Variants in MYO5B observed in about 807,000 individuals in gnomAD.
MYO5B encodes myosin VB.
In MYO5B, 143 loss-of-function variants were observed where a neutral mutation model predicts 229.3. That is an observed-to-expected ratio of 0.62 (90% CI 0.54 to 0.72). The LOEUF is 0.72. MYO5B is among the 30% of genes least tolerant of loss of function. The pLI is 0.00. For synonymous variants in MYO5B, 918 were observed against 885.2 expected (o/e 1.04, Z -0.66); for missense variants, 2,321 against 2,331.0 (o/e 1.00, Z 0.09).
Position 49,906,619 on chromosome 18 carries a change from C to T in MYO5B, c.2214G>A (p.Lys738=). 1.9e-6 allele frequency: 3 copies of T among 1,613,952 alleles called. No individual in the cohort carries two copies. Among genetic ancestry groups the T allele is most frequent in the Non-Finnish European group, 2.5e-6 (3 of 1,179,950 alleles). The change falls in exon 19 of 40, where the codon AAG becomes AAA. Residue 738 remains lysine (K), a synonymous_variant. Transcript: ENST00000285039. ...AGATCTTGGTGCGGCCAAACTGGAA[C>T]TTGTCGGGGTCCTTTACAAGGTAGG... ...VLENLIKDPD[K]FQFGRTKIFF...
Position 49,912,775 on chromosome 18 carries a change from C to T in MYO5B, c.2091-602G>A, listed in dbSNP as rs539865364. On this transcript the variant is annotated intron_variant, in intron 17 of 39. Coordinates refer to ENST00000285039, the MANE Select transcript of MYO5B (RefSeq NM_001080467.3). ...CTTTTCTTTATAAATTACCCAGTCT[C>T]GATTATGTCTTTATTAGCAGCATGA... Among the ~76,000 whole-genome samples, 19 of 152,300 alleles carry T rather than the reference C, an allele frequency of 1.2e-4. No individual in the cohort carries two copies. In the South Asian group the frequency reaches 1.7e-3, roughly 13 times the overall value.
chr18:50,086,817 G>A (rs914222331), intron 1 of MYO5B, among the ~76,000 whole-genome samples: 1 of 152,134 alleles, frequency 6.6e-6, no homozygotes, highest in African/African-American at 2.4e-5. Context: ...TAGAGGAGAT[G>A]AGCAGGCCAC....
At chr18:50,020,695 G>A (rs959283010) in intron 4 of MYO5B, among the ~76,000 whole-genome samples, 6 of 152,340 alleles carry the variant, frequency 3.9e-5, no homozygotes, top group Admixed American at 2.6e-4. Context: ...TGGAGGAGAC[G>A]GCCCTGAACT....
chr18:49,962,457 T>C, intron 11 of MYO5B, 51 bp from the exon 12 acceptor site: 1 of 1,613,098 alleles, frequency 6.2e-7, no homozygotes, highest in South Asian at 1.1e-5. Flanking sequence ...CACCTTAACA[T>C]TCACCTCCCC....
chr18:50,049,405 G>A (rs987023767), intron 2 of MYO5B, among the ~76,000 whole-genome samples: 8 of 152,196 alleles, frequency 5.3e-5, no homozygotes, highest in African/African-American at 1.9e-4. Context: ...TTATAAACAA[G>A]AATACAGCAG....
At chr18:50,128,653 T>C (rs933329223) in intron 1 of MYO5B, among the ~76,000 whole-genome samples, 1 of 152,166 alleles carries the variant, frequency 6.6e-6, no homozygotes, top group Non-Finnish European at 1.5e-5. Context: ...TTCTGCACCC[T>C]GCCCAGGTAC....
intron 19 of MYO5B, 146 bp from the exon 20 acceptor site, chr18:49,904,974 T>A: frequency 1.1e-6 from 1 of 936,572 alleles, no homozygotes; most frequent in Non-Finnish European, 1.7e-6. Flanking sequence ...TCTTCACCCC[T>A]AACAAATGTA....
intron 4 of MYO5B, among the ~76,000 whole-genome samples, chr18:50,021,856 T>G (rs1014416657): frequency 6.6e-6 from 1 of 152,098 alleles, no homozygotes; most frequent in African/African-American, 2.4e-5. Context: ...TATGTTAACA[T>G]TCCTTTTGGG....
At chr18:49,922,415 C>A (rs551249962) in intron 17 of MYO5B, among the ~76,000 whole-genome samples, 1 of 152,106 alleles carries the variant, frequency 6.6e-6, no homozygotes, top group Non-Finnish European at 1.5e-5. Flanking sequence ...GCCCTCTCAC[C>A]GCTCATCCTC....
At chr18:50,092,865 A>G (rs543599366) in intron 1 of MYO5B, among the ~76,000 whole-genome samples, 7 of 152,266 alleles carry the variant, frequency 4.6e-5, no homozygotes, top group Admixed American at 2.0e-4. Flanking sequence ...TTTTTTCAAA[A>G]ATTTAAAACC....
intron 1 of MYO5B, among the ~76,000 whole-genome samples, chr18:50,106,440 C>G (rs1305103353): frequency 1.3e-5 from 2 of 152,174 alleles, no homozygotes; most frequent in African/African-American, 4.8e-5. Context: ...ATCATCTGGC[C>G]TTCATCATCT....
intron 39 of MYO5B, among the ~76,000 whole-genome samples, chr18:49,829,104 T>A (rs2023883190): frequency 7.1e-6 from 1 of 140,974 alleles, no homozygotes; most frequent in Non-Finnish European, 1.5e-5. Context: ...TTTTTTAAGA[T>A]GGGGTCTTGC....
At chr18:50,160,852 G>A (rs2032754769) in intron 1 of MYO5B, among the ~76,000 whole-genome samples, 1 of 152,156 alleles carries the variant, frequency 6.6e-6, no homozygotes, top group Admixed American at 6.5e-5. Flanking sequence ...GAACTGTGTG[G>A]AGACTGCATT....
At chr18:49,997,507 C>G (rs1009700456) in intron 5 of MYO5B, among the ~76,000 whole-genome samples, 10 of 150,520 alleles carry the variant, frequency 6.6e-5, no homozygotes, top group Admixed American at 5.3e-4. Flanking sequence ...TGTCTGCCTG[C>G]AAAGTCCAGT....
At chr18:49,890,013 T>C (rs2024690737) in intron 22 of MYO5B, among the ~76,000 whole-genome samples, 1 of 152,238 alleles carries the variant, frequency 6.6e-6, no homozygotes, top group Admixed American at 6.5e-5. Flanking sequence ...GATTTACTTT[T>C]CTTGCTTGCC....
intron 1 of MYO5B, among the ~76,000 whole-genome samples, chr18:50,193,842 G>A (rs927357872): frequency 9.9e-5 from 15 of 152,250 alleles, no homozygotes; most frequent in Non-Finnish European, 2.1e-4. Context: ...GGGGTCCCGG[G>A]CGGCTGCAGC....
intron 2 of MYO5B, among the ~76,000 whole-genome samples, chr18:50,040,932 C>G (rs993103923): frequency 1.3e-5 from 2 of 152,154 alleles, no homozygotes; most frequent in African/African-American, 4.8e-5. Context: ...TCCTTGTATT[C>G]TTAGCACTTG....
At chr18:49,878,329 T>C (rs1478373401) in intron 24 of MYO5B, among the ~76,000 whole-genome samples, 3 of 151,488 alleles carry the variant, frequency 2.0e-5, no homozygotes, top group Non-Finnish European at 4.4e-5. Context: ...CATTTAAAAA[T>C]ACTTTTTTTT....
chr18:49,859,521 G>GCTTT (rs1245937671), intron 29 of MYO5B, among the ~76,000 whole-genome samples: 1 of 152,166 alleles, frequency 6.6e-6, no homozygotes, highest in Non-Finnish European at 1.5e-5. Flanking sequence ...TCATACCCAA[G>GCTTT]CTTTCTATTC....
Sources: gnomAD v4.1 joint callset for allele counts (sites outside exome capture counted in the v4.1 genomes callset) on GRCh38, gnomAD v4.1.1 for gene constraint, MANE v1.5 for transcripts, NCBI Gene and HGNC (gene_info 2026-07-23, HGNC 2026-07-21) for gene names.